MSRB3: variants seen among roughly 807,000 people sequenced by gnomAD.
The protein encoded by MSRB3 is methionine sulfoxide reductase B3.
In MSRB3, 13 loss-of-function variants were observed where a neutral mutation model predicts 21.0. That is an observed-to-expected ratio of 0.62 (90% confidence interval 0.40 to 0.98). The LOEUF is 0.98. Ranked by LOEUF, MSRB3 falls within the 50% of genes least tolerant of loss-of-function variation. The pLI, the probability that MSRB3 is intolerant of heterozygous loss-of-function variation, is 0.00. For synonymous variants in MSRB3, 87 were observed against 88.6 expected, an observed-to-expected ratio of 0.98 and a Z score of 0.10; for missense variants, 199 against 230.3, an observed-to-expected ratio of 0.86 and a Z score of 0.88.
intron 6 of MSRB3, among the ~76,000 whole-genome samples, chr12:65,456,439 A>G (rs1565900410): frequency 6.6e-6 from 1 of 152,208 alleles, no homozygotes. Context: ...GTAGTCTAGG[A>G]AAGATCATTA....
At chr12:65,419,828 G>A (rs1592619879) in intron 5 of MSRB3, 22 of 791,788 alleles carry the variant, frequency 2.8e-5, no homozygotes, top group Non-Finnish European at 3.9e-5. Flanking sequence ...CCATCCCTCC[G>A]GCCAGGCCCC....
intron 4 of MSRB3, among the ~76,000 whole-genome samples, chr12:65,363,295 A>C (rs1469989705): frequency 6.6e-6 from 1 of 152,178 alleles, no homozygotes; most frequent in Non-Finnish European, 1.5e-5. Flanking sequence ...CCCCAGAGAG[A>C]CAATAAAATA....
At position 65,436,371 on chromosome 12, in the gene MSRB3, T is replaced by G. The variant is rs117712962; in HGVS notation, c.293-17357T>G. Among the ~76,000 whole-genome samples, 585 of 152,060 alleles carry G rather than the reference T, an allele frequency of 3.8e-3. 2 individuals carry two copies. The highest frequency in any genetic ancestry group is 0.027 in the Middle Eastern group (8 of 294). The stretch of plus-strand genomic sequence containing the variant: ...TCCACCATTAAAGCTTGTTATGTAA[T>G]GTGTTAATAAAGAAGCACATATTTA... On this transcript the variant is annotated intron_variant, in intron 5 of 6. Coordinates refer to ENST00000308259, the MANE Select transcript of MSRB3 (RefSeq NM_001031679.3).
At chr12:65,341,202 A>G (rs1876117387) in intron 4 of MSRB3, among the ~76,000 whole-genome samples, 1 of 152,160 alleles carries the variant, frequency 6.6e-6, no homozygotes, top group Admixed American at 6.6e-5. Context: ...TGATACATAT[A>G]CACAATGGAG....
intron 6 of MSRB3, 43 bp downstream of exon 6, chr12:65,453,868 A>G: frequency 6.6e-7 from 1 of 1,516,824 alleles, no homozygotes; most frequent in Non-Finnish European, 9.2e-7. Context: ...TGCTTTCAGG[A>G]CTCCTGGTTG....
chr12:65,366,105 C>A (rs10878265), intron 4 of MSRB3, among the ~76,000 whole-genome samples: 98,446 of 152,014 alleles, frequency 0.65, 34,204 homozygotes, highest in East Asian at 0.95. Context: ...ACCTCTGGCC[C>A]CCAGGTGCTC....
intron 4 of MSRB3, among the ~76,000 whole-genome samples, chr12:65,346,465 A>G (rs1178757082): frequency 3.3e-5 from 5 of 151,822 alleles, no homozygotes; most frequent in Admixed American, 3.3e-4. Context: ...GTTTGAGTTC[A>G]TTGTAGTTTC....
chr12:65,315,399 G>A (rs940296685), intron 2 of MSRB3, among the ~76,000 whole-genome samples: 3 of 151,998 alleles, frequency 2.0e-5, no homozygotes, highest in South Asian at 2.1e-4. Context: ...GGCCTGGCGC[G>A]GTGGTCGTAC....
At chr12:65,402,122 G>A (rs1026270369) in intron 5 of MSRB3, among the ~76,000 whole-genome samples, 4 of 152,076 alleles carry the variant, frequency 2.6e-5, no homozygotes, top group Non-Finnish European at 5.9e-5. Flanking sequence ...TATCTTTGTG[G>A]TGTTCTCTGT....
chr12:65,320,757 G>A (rs1344906337), intron 2 of MSRB3, among the ~76,000 whole-genome samples: 1 of 152,160 alleles, frequency 6.6e-6, no homozygotes, highest in Admixed American at 6.6e-5. Context: ...AGTAAAAAAA[G>A]GTAATGCTAA....
chr12:65,416,991 C>G (rs1012836270), intron 5 of MSRB3, among the ~76,000 whole-genome samples: 26 of 152,102 alleles, frequency 1.7e-4, no homozygotes, highest in African/African-American at 5.1e-4. Context: ...TCAGACAACA[C>G]AAGCACTACA....
chr12:65,313,801 G>T (rs980846466), intron 2 of MSRB3, among the ~76,000 whole-genome samples: 29 of 151,970 alleles, frequency 1.9e-4, no homozygotes, highest in African/African-American at 7.0e-4. Flanking sequence ...CCGAGGAGAG[G>T]ATTTTTTTTA....
At chr12:65,376,528 A>G (rs906965926) in intron 5 of MSRB3, among the ~76,000 whole-genome samples, 2 of 152,168 alleles carry the variant, frequency 1.3e-5, no homozygotes, top group African/African-American at 4.8e-5. Context: ...TGTAGAGAAC[A>G]TTACTGCAAA....
intron 5 of MSRB3, among the ~76,000 whole-genome samples, chr12:65,396,364 T>C (rs1203017686): frequency 6.6e-6 from 1 of 152,222 alleles, no homozygotes; most frequent in Non-Finnish European, 1.5e-5. Context: ...AGAGCAGACA[T>C]TGTATTATTT....
At chr12:65,401,438 C>CT (rs1345488646) in intron 5 of MSRB3, among the ~76,000 whole-genome samples, 1 of 152,032 alleles carries the variant, frequency 6.6e-6, no homozygotes, top group East Asian at 1.9e-4. Flanking sequence ...ACAACCCCTG[C>CT]TTTTTTTGCT....
At chr12:65,325,010 TAA>T (rs142645706) in intron 2 of MSRB3, among the ~76,000 whole-genome samples, 34,505 of 152,150 alleles carry the variant, frequency 0.23, 4,544 homozygotes, top group Admixed American at 0.34. Context: ...TTTGTCATGT[TAA>T]GTTTGCATTT....
rs1818495667 is a variant in MSRB3, at chr12:65,466,383, T to C, written c.*3061T>C. The stretch of plus-strand genomic sequence containing the variant: ...AAGCACTAGATTTATTTTTGCAGGA[T>C]ATGGAGTGCAATGAACTGAGTCAAT... On this transcript the variant is annotated 3_prime_UTR_variant, in exon 7 of 7. Coordinates refer to ENST00000308259, the MANE Select transcript of MSRB3 (RefSeq NM_001031679.3). 1 of 152,192 alleles carries C rather than the reference T, an allele frequency of 6.6e-6. No individual in the cohort carries two copies. The allele number at this position is 152,192 out of a possible 1,614,324, so 9.4% of individuals were successfully genotyped here.
At chr12:65,337,292 G>C (rs910052267) in intron 4 of MSRB3, among the ~76,000 whole-genome samples, 2 of 151,208 alleles carry the variant, frequency 1.3e-5, no homozygotes, top group African/African-American at 4.9e-5. Context: ...AAATCAGCTG[G>C]GCATGGTGAT....
chr12:65,313,260 A>G (rs1413779804), intron 2 of MSRB3, among the ~76,000 whole-genome samples: 2 of 152,142 alleles, frequency 1.3e-5, no homozygotes, highest in Admixed American at 6.5e-5. Flanking sequence ...TACTACAGAT[A>G]CACATTAAAG....
Sources: gnomAD v4.1 joint callset for allele counts (sites outside exome capture counted in the v4.1 genomes callset) on GRCh38, gnomAD v4.1.1 for gene constraint, MANE v1.5 for transcripts, NCBI Gene and HGNC (gene_info 2026-07-23, HGNC 2026-07-21) for gene names.